Variants in YAP1 observed in about 807,000 individuals in gnomAD.
The protein encoded by YAP1 is Yes1 associated transcriptional regulator.
YAP1 carries 5 observed loss-of-function variants against 56.9 expected under a neutral mutation model. The observed-to-expected ratio is 0.09, with a 90% CI of 0.05 to 0.18. The LOEUF is 0.18. YAP1 is among the 10% of genes least tolerant of loss of function. The pLI, the probability that YAP1 is intolerant of heterozygous loss-of-function variation, is 1.00. For missense variants in YAP1, 539 were observed against 651.8 expected, an observed-to-expected ratio of 0.83 and a Z score of 1.88; for synonymous variants, 265 against 248.1, an observed-to-expected ratio of 1.07 and a Z score of -0.64.
intron 4 of YAP1, among the ~76,000 whole-genome samples, chr11:102,197,783 A>C (rs1948644715): frequency 6.6e-6 from 1 of 152,132 alleles, no homozygotes; most frequent in African/African-American, 2.4e-5. Context: ...TTGGGATTTC[A>C]ATAGTTGATA....
chr11:102,146,651 G>A (rs1945337328), intron 2 of YAP1, among the ~76,000 whole-genome samples: 1 of 152,176 alleles, frequency 6.6e-6, no homozygotes, highest in African/African-American at 2.4e-5. Context: ...TATTCCTATA[G>A]CATTTCCTCA....
At chr11:102,212,042 G>T (rs1384916699) in intron 6 of YAP1, among the ~76,000 whole-genome samples, 2 of 152,098 alleles carry the variant, frequency 1.3e-5, no homozygotes, top group Non-Finnish European at 2.9e-5. Context: ...TTTAAATAGT[G>T]TTTCTCAGAA....
chr11:102,161,946 T>A (rs958762759), intron 2 of YAP1, among the ~76,000 whole-genome samples: 1 of 152,216 alleles, frequency 6.6e-6, no homozygotes, highest in Admixed American at 6.5e-5. Context: ...AATGAAAACT[T>A]ACAGATGAAG....
intron 2 of YAP1, among the ~76,000 whole-genome samples, chr11:102,161,385 C>T (rs915972485): frequency 2.1e-5 from 3 of 144,148 alleles, no homozygotes; most frequent in African/African-American, 7.7e-5. Flanking sequence ...CACACACACA[C>T]ACTAAACAAT....
chr11:102,153,566 A>G (rs1945782684), intron 2 of YAP1, among the ~76,000 whole-genome samples: 1 of 152,322 alleles, frequency 6.6e-6, no homozygotes, highest in East Asian at 1.9e-4. Flanking sequence ...TTAGAAATTC[A>G]ATGAAGTGAG....
intron 6 of YAP1, among the ~76,000 whole-genome samples, chr11:102,218,785 T>C (rs950897580): frequency 1.3e-5 from 2 of 152,256 alleles, no homozygotes; most frequent in African/African-American, 4.8e-5. Flanking sequence ...CTCTAAGTTA[T>C]CTTTCTTTAT....
Position 102,233,375 on chromosome 11 carries a change from C to G in YAP1, c.*3435C>G, listed in dbSNP as rs1433164018. On this transcript the variant is annotated 3_prime_UTR_variant, in exon 9 of 9. Transcript: ENST00000282441. ...TTACATTATTTTTTCTTATGTAATA[C>G]CTTTTTGTTTGTTTATGTGGTTCAA... 6.6e-6 allele frequency: 1 copy of G among 151,772 alleles called. No homozygotes were observed. Among genetic ancestry groups the G allele is most frequent in the Non-Finnish European group, 1.5e-5 (1 of 67,954 alleles). The allele number at this position is 151,772 out of a possible 1,614,324, so 9.4% of individuals were successfully genotyped here.
In YAP1 at chr11:102,186,114, G is replaced by C; in HGVS notation, c.785G>C (p.Arg262Thr). 1 of 1,612,094 alleles carries C rather than the reference G, an allele frequency of 6.2e-7. No homozygotes were observed. The highest frequency in any genetic ancestry group is 8.5e-7 in the Non-Finnish European group (1 of 1,179,332). ...KNKTTSWLDPRLDPRFAMNQR... is the reference protein window; with the variant it reads ...KNKTTSWLDPTLDPRFAMNQR... Reference sequence around the variant, plus strand: ...AAGACCACCTCTTGGCTAGACCCAAGGCTTGACCCTCGTTTTGGTAAAGGT... The same window carrying C: ...AAGACCACCTCTTGGCTAGACCCAACGCTTGACCCTCGTTTTGGTAAAGGT... The change falls in exon 4 of 9, where the codon AGG (arginine) becomes ACG (threonine). Residue 262 changes from arginine (R) to threonine (T), a missense_variant. By Grantham distance (71) the Arg-to-Thr change is moderately conservative (BLOSUM62 -1). Coordinates refer to ENST00000282441, the MANE Select transcript of YAP1 (RefSeq NM_001130145.3).
intron 4 of YAP1, among the ~76,000 whole-genome samples, chr11:102,187,598 A>AT (rs1305788546): frequency 6.6e-6 from 1 of 152,148 alleles, no homozygotes; most frequent in Non-Finnish European, 1.5e-5. Flanking sequence ...GTGTTGCGGA[A>AT]TTTTTTTCCC....
At chr11:102,116,935 G>T (rs1463272865) in intron 2 of YAP1, among the ~76,000 whole-genome samples, 5 of 152,168 alleles carry the variant, frequency 3.3e-5, no homozygotes, top group Non-Finnish European at 7.4e-5. Flanking sequence ...TGTGGGAGAA[G>T]AATGCTGTGG....
chr11:102,191,328 C>A (rs1477513365), intron 4 of YAP1, among the ~76,000 whole-genome samples: 1 of 151,998 alleles, frequency 6.6e-6, no homozygotes, highest in East Asian at 1.9e-4. Flanking sequence ...TAGCACCACA[C>A]AGCCATTACG....
intron 3 of YAP1, among the ~76,000 whole-genome samples, chr11:102,172,816 T>G (rs1403713385): frequency 2.0e-5 from 3 of 152,078 alleles, no homozygotes; most frequent in African/African-American, 7.2e-5. Flanking sequence ...ATTGACGTCT[T>G]TTGAGCAGAG....
At chr11:102,127,971 C>G (rs1202346387) in intron 2 of YAP1, among the ~76,000 whole-genome samples, 1 of 152,188 alleles carries the variant, frequency 6.6e-6, no homozygotes, top group Non-Finnish European at 1.5e-5. Context: ...CAATTTCTTC[C>G]ATTCAGAATG....
chr11:102,140,268 A>C (rs764326714), intron 2 of YAP1, among the ~76,000 whole-genome samples: 4 of 152,170 alleles, frequency 2.6e-5, no homozygotes, highest in Non-Finnish European at 5.9e-5. Flanking sequence ...GCTACTAGAA[A>C]ATTAGTTTTT....
chr11:102,184,691 T>G (rs987761867), intron 3 of YAP1, among the ~76,000 whole-genome samples: 1 of 152,234 alleles, frequency 6.6e-6, no homozygotes, highest in Non-Finnish European at 1.5e-5. Flanking sequence ...CAAAGTTACT[T>G]ATTCAGCATC....
chr11:102,152,916 G>C (rs1945745996), intron 2 of YAP1, among the ~76,000 whole-genome samples: 1 of 152,198 alleles, frequency 6.6e-6, no homozygotes, highest in Non-Finnish European at 1.5e-5. Context: ...GGCTGAGAGA[G>C]CTTAGGGAAA....
intron 2 of YAP1, among the ~76,000 whole-genome samples, chr11:102,141,541 A>AG: frequency 6.6e-6 from 1 of 152,246 alleles, no homozygotes. Context: ...CAGGAAAAAA[A>AG]GAGAGACTTA....
chr11:102,172,064 T>TGCA (rs1273991816), intron 3 of YAP1, among the ~76,000 whole-genome samples: 21 of 151,786 alleles, frequency 1.4e-4, no homozygotes, highest in African/African-American at 5.1e-4. Context: ...TTGGTGCCGT[T>TGCA]TGCCTGTAAT....
At chr11:102,185,126 T>G (rs1406144505) in intron 3 of YAP1, among the ~76,000 whole-genome samples, 3 of 152,184 alleles carry the variant, frequency 2.0e-5, no homozygotes, top group Non-Finnish European at 4.4e-5. Context: ...CCTGCCTCTT[T>G]TGATTCCTGT....
Sources: allele counts gnomAD v4.1 joint callset (sites outside exome capture counted in the v4.1 genomes callset), GRCh38; gene constraint gnomAD v4.1.1; transcripts MANE v1.5; gene names NCBI Gene and HGNC (gene_info 2026-07-23, HGNC 2026-07-21).